SIRPD: variants seen among roughly 807,000 people sequenced by gnomAD.
SIRPD encodes the protein signal regulatory protein delta.
A neutral mutation model predicts 18.0 loss-of-function variants in SIRPD; 21 were observed. The observed-to-expected ratio is 1.17, with a 90% CI of 0.83 to 1.68. SIRPD has a LOEUF of 1.68. Ranked by LOEUF, SIRPD falls within the 40% of genes most tolerant of loss-of-function variation. The pLI, the probability that SIRPD is intolerant of heterozygous loss-of-function variation, is 0.00. For missense variants in SIRPD, 295 were observed against 238.4 expected, an observed-to-expected ratio of 1.24 and a Z score of -1.56; for synonymous variants, 106 against 92.9, an observed-to-expected ratio of 1.14 and a Z score of -0.81.
Position 1,535,544 on chromosome 20 carries a change from G to T in SIRPD, c.578-1103C>A, listed in dbSNP as rs918596805. 2.6e-5 allele frequency among the ~76,000 whole-genome samples: 4 copies of T among 152,098 alleles called. No homozygotes were observed. In the South Asian group the frequency reaches 8.3e-4, roughly 31 times the overall value. The stretch of plus-strand genomic sequence containing the variant: ...AGACCCAAGTATAGTATGCTAGCAT[G>T]CTCAGTCCCCTCACCATGTGATACC... On this transcript the variant is annotated intron_variant, in intron 3 of 3. Coordinates refer to ENST00000381623, the MANE Select transcript of SIRPD (RefSeq NM_178460.3).
chr20:1,551,325 A>G (rs1480866542), intron 2 of SIRPD, among the ~76,000 whole-genome samples: 1 of 152,208 alleles, frequency 6.6e-6, no homozygotes, highest in Non-Finnish European at 1.5e-5. Flanking sequence ...TTAGATTACC[A>G]GATTTTTCTG....
chr20:1,537,223 A>T lies in SIRPD; in HGVS notation c.509T>A (p.Leu170Gln). The T allele has an allele frequency of 6.2e-7, 1 of 1,614,106 alleles. No homozygotes were observed. The highest frequency in any genetic ancestry group is 1.1e-5 in the South Asian group (1 of 91,078). Residue 170 changes from leucine to glutamine, a missense_variant, in exon 3 of 4, where the codon CTG becomes CAG. Physicochemically the swap from Leu to Gln is moderately radical, Grantham distance 113. Transcript: ENST00000381623. Reference protein sequence around the residue: ...HHDAHTCLSALPERNSTNYFV... With the variant: ...HHDAHTCLSAQPERNSTNYFV... ...ATAGTTTGTGCTGTTTCTCTCAGGC[A>T]GGGCCGAGAGGCAGGTATGGGCATC...
rs2090950289 is a variant in SIRPD at position 1,537,238 on chromosome 20, G to C, written c.494C>G (p.Thr165Ser). ...AGSRAHHDAH[T>S]CLSALPERNS... ...TCTCTCAGGCAGGGCCGAGAGGCAGGTATGGGCATCATGGTGGGCCCTGGA... is the reference window on the plus strand; with the variant it reads ...TCTCTCAGGCAGGGCCGAGAGGCAGCTATGGGCATCATGGTGGGCCCTGGA... The change falls in exon 3 of 4, where the codon ACC becomes AGC. Residue 165 changes from threonine to serine, a missense_variant. Physicochemically the swap from Thr to Ser is moderately conservative, Grantham distance 58 (BLOSUM62 1). Coordinates refer to ENST00000381623, the MANE Select transcript of SIRPD (RefSeq NM_178460.3). 1 of 1,614,036 alleles carries C rather than the reference G, an allele frequency of 6.2e-7. No individual in the cohort carries two copies.
intron 2 of SIRPD, among the ~76,000 whole-genome samples, chr20:1,542,522 C>T (rs1012113932): frequency 1.3e-5 from 2 of 152,156 alleles, no homozygotes; most frequent in Non-Finnish European, 2.9e-5. Context: ...TGCTTATTAG[C>T]TTAAGGAGTT....
intron 2 of SIRPD, among the ~76,000 whole-genome samples, chr20:1,538,553 G>T (rs559100690): frequency 3.9e-5 from 6 of 152,308 alleles, no homozygotes; most frequent in African/African-American, 1.4e-4. Flanking sequence ...GTCTGTGACT[G>T]CAACAGAAGG....
At chr20:1,538,930 G>A (rs2090959615) in intron 2 of SIRPD, among the ~76,000 whole-genome samples, 2 of 152,066 alleles carry the variant, frequency 1.3e-5, no homozygotes, top group South Asian at 4.1e-4. Context: ...TAAGATGGTT[G>A]TTTTTTTGAC....
chr20:1,550,855 A>T (rs2091015901), intron 2 of SIRPD, among the ~76,000 whole-genome samples: 1 of 152,092 alleles, frequency 6.6e-6, no homozygotes, highest in Non-Finnish European at 1.5e-5. Context: ...AAATGTTTGG[A>T]ATATAGTAGA....
chr20:1,538,046 A>C (rs2090955208), intron 2 of SIRPD, among the ~76,000 whole-genome samples: 1 of 152,056 alleles, frequency 6.6e-6, no homozygotes, highest in South Asian at 2.1e-4. Context: ...CCAAGAATAC[A>C]TCTCCTCTCC....
intron 2 of SIRPD, among the ~76,000 whole-genome samples, chr20:1,541,759 G>A (rs1234158693): frequency 6.6e-6 from 1 of 152,040 alleles, no homozygotes; most frequent in African/African-American, 2.4e-5. Flanking sequence ...TTCTAGGGTT[G>A]TTATGGTTTT....
intron 2 of SIRPD, among the ~76,000 whole-genome samples, chr20:1,545,633 A>G (rs1416690499): frequency 6.6e-6 from 1 of 152,172 alleles, no homozygotes; most frequent in Admixed American, 6.5e-5. Context: ...CGTCAAACTC[A>G]TTCTCCATCC....
chr20:1,539,220 G>A (rs934477025), intron 2 of SIRPD, among the ~76,000 whole-genome samples: 15 of 151,938 alleles, frequency 9.9e-5, no homozygotes, highest in Non-Finnish European at 1.8e-4. Flanking sequence ...TAGTATCTGT[G>A]GTAATTTCTT....
In SIRPD at chr20:1,551,930, G is replaced by C; in HGVS notation, c.182C>G (p.Pro61Arg). Reference protein sequence around the residue: ...CSVPNTLPNGPVLWFKGTGPN... With the variant: ...CSVPNTLPNGRVLWFKGTGPN... ...CCCTGTTCCCTTGAACCACAAGACA[G>C]GTCCATTTGGTAAGGTATTGGGTAC... The change falls in exon 2 of 4, where the codon CCT (proline) becomes CGT (arginine). Residue 61 changes from proline (P) to arginine (R), a missense_variant. Physicochemically the swap from Pro to Arg is moderately radical, Grantham distance 103 (BLOSUM62 -2). Coordinates refer to ENST00000381623, the MANE Select transcript of SIRPD (RefSeq NM_178460.3). 1 of 1,614,102 alleles carries C rather than the reference G, an allele frequency of 6.2e-7. No homozygotes were observed. Among genetic ancestry groups the C allele is most frequent in the African/African-American group, 1.3e-5 (1 of 75,028 alleles).
chr20:1,545,506 G>A (rs905248532), intron 2 of SIRPD, among the ~76,000 whole-genome samples: 1 of 152,102 alleles, frequency 6.6e-6, no homozygotes, highest in Non-Finnish European at 1.5e-5. Flanking sequence ...ATTCTAGTTA[G>A]CAGTTCCTGC....
At chr20:1,536,435 A>G (rs2090945895) in intron 3 of SIRPD, among the ~76,000 whole-genome samples, 1 of 150,110 alleles carries the variant, frequency 6.7e-6, no homozygotes, top group South Asian at 2.1e-4. Context: ...CTGTGCTTTT[A>G]ACCACTTTAT....
chr20:1,546,831 A>T (rs555073237), intron 2 of SIRPD, among the ~76,000 whole-genome samples: 61 of 152,212 alleles, frequency 4.0e-4, no homozygotes, highest in Non-Finnish European at 7.2e-4. Flanking sequence ...TTCCCTGAGG[A>T]TAAATTATGC....
chr20:1,539,573 T>G (rs2090961673), intron 2 of SIRPD, among the ~76,000 whole-genome samples: 1 of 152,248 alleles, frequency 6.6e-6, no homozygotes, highest in Non-Finnish European at 1.5e-5. Flanking sequence ...GCTGTGGTAG[T>G]CAGCCTTTGA....
At chr20:1,547,620 A>G (rs963202284) in intron 2 of SIRPD, among the ~76,000 whole-genome samples, 1 of 152,170 alleles carries the variant, frequency 6.6e-6, no homozygotes, top group African/African-American at 2.4e-5. Flanking sequence ...TGTTTTGGCT[A>G]TTCTGGATCC....
At chr20:1,542,985 T>G (rs1484973597) in intron 2 of SIRPD, among the ~76,000 whole-genome samples, 1 of 152,132 alleles carries the variant, frequency 6.6e-6, no homozygotes, top group African/African-American at 2.4e-5. Flanking sequence ...GAAGCTGACT[T>G]GATCATGGTG....
intron 3 of SIRPD, among the ~76,000 whole-genome samples, chr20:1,535,054 A>G (rs1002131484): frequency 1.3e-5 from 2 of 152,232 alleles, no homozygotes; most frequent in African/African-American, 4.8e-5. Flanking sequence ...TAGATAAATG[A>G]TGGTACAACC....
Sources: gnomAD v4.1 joint callset for allele counts (sites outside exome capture counted in the v4.1 genomes callset) on GRCh38, gnomAD v4.1.1 for gene constraint, MANE v1.5 for transcripts, NCBI Gene and HGNC (gene_info 2026-07-23, HGNC 2026-07-21) for gene names.